The following HPSE2 variants were observed in gnomAD, a reference collection of about 807,000 sequenced individuals.
HPSE2 encodes the protein heparanase 2 (inactive).
HPSE2 carries 38 observed loss-of-function variants against 60.5 expected under a neutral mutation model. The ratio of observed to expected loss-of-function variants is 0.63; its 90% confidence interval spans 0.48 to 0.82. HPSE2 has a LOEUF of 0.82. Among genes scored for constraint, HPSE2 ranks in the 40% least tolerant of loss-of-function variants. The probability of loss-of-function intolerance (pLI) is 0.00; values close to 1 mark genes in which losing one functional copy is unlikely to be tolerated. For missense variants in HPSE2, 713 were observed against 740.4 expected, an observed-to-expected ratio of 0.96 and a Z score of 0.43; for synonymous variants, 295 against 293.2, an observed-to-expected ratio of 1.01 and a Z score of -0.06.
intron 9 of HPSE2, among the ~76,000 whole-genome samples, chr10:98,606,778 TA>T (rs1434701761): frequency 2.0e-4 from 31 of 152,314 alleles, no homozygotes; most frequent in Middle Eastern, 3.4e-3. Flanking sequence ...TTATTTGTTC[TA>T]TTTTTTAATA....
chr10:98,980,668 T>A (rs1956185196), intron 3 of HPSE2, among the ~76,000 whole-genome samples: 1 of 152,196 alleles, frequency 6.6e-6, no homozygotes, highest in Non-Finnish European at 1.5e-5. Context: ...TACTCCTAAG[T>A]TAGGTTTACA....
chr10:99,020,379 G>A (rs946124421), intron 3 of HPSE2, among the ~76,000 whole-genome samples: 2 of 152,162 alleles, frequency 1.3e-5, no homozygotes, highest in African/African-American at 4.8e-5. Context: ...GAAAGGTGAA[G>A]TGACTTTCTA....
intron 9 of HPSE2, among the ~76,000 whole-genome samples, chr10:98,596,800 T>C (rs2133930897): frequency 6.6e-6 from 1 of 152,342 alleles, no homozygotes; most frequent in South Asian, 2.1e-4. Context: ...TCTTTGATTT[T>C]TGACAATTTA....
At chr10:98,501,090 G>A (rs1030095188) in intron 9 of HPSE2, among the ~76,000 whole-genome samples, 9 of 151,704 alleles carry the variant, frequency 5.9e-5, no homozygotes, top group South Asian at 2.1e-4. Flanking sequence ...AAGACTACAC[G>A]GATTCACAGC....
chr10:98,504,539 C>A (rs1182858698), intron 9 of HPSE2, among the ~76,000 whole-genome samples: 2 of 152,154 alleles, frequency 1.3e-5, no homozygotes, highest in African/African-American at 4.8e-5. Context: ...ATAATCCCAG[C>A]ACTTTGGGAG....
chr10:98,689,330 A>G (rs1022268130), intron 6 of HPSE2, among the ~76,000 whole-genome samples: 7 of 152,114 alleles, frequency 4.6e-5, no homozygotes, highest in African/African-American at 1.7e-4. Flanking sequence ...TCTGTTGCTC[A>G]GTATGCAAGT....
upstream of HPSE2, among the ~76,000 whole-genome samples, chr10:99,236,202 A>C (rs1256716496): frequency 6.6e-6 from 1 of 151,606 alleles, no homozygotes; most frequent in Non-Finnish European, 1.5e-5. Flanking sequence ...GGAGGAGAAA[A>C]GGGTGGCGTT....
Position 99,008,076 on chromosome 10 carries a change from C to T in HPSE2, c.610+136162G>A, listed in dbSNP as rs945749721. On this transcript the variant is annotated intron_variant, in intron 3 of 11. Coordinates refer to ENST00000370552, the MANE Select transcript of HPSE2 (RefSeq NM_021828.5). ...TTTCTTCCCAGATAAGATTTTTCCT[C>T]TAAGTTCTTGCAGCTGAAGGCTAGA... Among the ~76,000 whole-genome samples, 41 of 152,196 alleles carry T rather than the reference C, an allele frequency of 2.7e-4. 1 individual carries two copies. Among genetic ancestry groups the T allele is most frequent in the Non-Finnish European group, 1.5e-5 (1 of 68,028 alleles).
At chr10:98,932,807 A>G (rs796346529) in intron 3 of HPSE2, among the ~76,000 whole-genome samples, 1 of 143,198 alleles carries the variant, frequency 7.0e-6, no homozygotes, top group Non-Finnish European at 1.5e-5. Flanking sequence ...GTATTTCTCT[A>G]GGGTCAGTGA....
chr10:99,050,313 A>G (rs866460112), intron 3 of HPSE2, among the ~76,000 whole-genome samples: 1 of 151,834 alleles, frequency 6.6e-6, no homozygotes, highest in African/African-American at 2.4e-5. Context: ...AAAAAAAAAA[A>G]CCCCTAAAAC....
intron 3 of HPSE2, among the ~76,000 whole-genome samples, chr10:99,073,644 G>T (rs1842868179): frequency 6.6e-6 from 1 of 151,916 alleles, no homozygotes; most frequent in Admixed American, 6.6e-5. Context: ...ACAAAATAAG[G>T]TTAAAAAAAT....
intron 3 of HPSE2, among the ~76,000 whole-genome samples, chr10:98,992,680 G>A (rs1956552489): frequency 1.3e-5 from 2 of 152,148 alleles, no homozygotes; most frequent in South Asian, 4.1e-4. Context: ...GCAGAATGAT[G>A]CCTATAAAGG....
At chr10:98,675,539 TAC>T (rs774393556) in intron 6 of HPSE2, among the ~76,000 whole-genome samples, 4,091 of 121,314 alleles carry the variant, frequency 0.034, 69 homozygotes, top group Non-Finnish European at 0.042. Context: ...GATCCCTGTC[TAC>T]ACACACACAC....
intron 2 of HPSE2, among the ~76,000 whole-genome samples, chr10:99,215,881 G>A (rs188345190): frequency 2.6e-5 from 4 of 152,316 alleles, no homozygotes; most frequent in African/African-American, 9.6e-5. Context: ...ATTTTAAATG[G>A]TATGTGCATT....
chr10:99,072,856 GAGGT>G (rs1842837459), intron 3 of HPSE2, among the ~76,000 whole-genome samples: 1 of 149,832 alleles, frequency 6.7e-6, no homozygotes, highest in Non-Finnish European at 1.5e-5. Flanking sequence ...TTGAACCTGG[GAGGT>G]GGAGGTTGCA....
chr10:99,152,353 A>T (rs1846305602), intron 2 of HPSE2, among the ~76,000 whole-genome samples: 1 of 151,884 alleles, frequency 6.6e-6, no homozygotes, highest in Admixed American at 6.6e-5. Flanking sequence ...TGTTGCTAGC[A>T]GACCTGCAAC....
chr10:98,530,294 T>C (rs187728649), intron 9 of HPSE2, among the ~76,000 whole-genome samples: 1 of 152,316 alleles, frequency 6.6e-6, no homozygotes, highest in East Asian at 1.9e-4. Flanking sequence ...ACTTTAAATC[T>C]TCTAGTGGTT....
At chr10:99,216,255 CA>C (rs1351340409) in intron 2 of HPSE2, among the ~76,000 whole-genome samples, 4 of 135,138 alleles carry the variant, frequency 3.0e-5, no homozygotes, top group Admixed American at 8.1e-5. Context: ...AGTGCAGTGG[CA>C]CGATCTTGGC....
At chr10:99,160,695 C>G (rs1048958097) in intron 2 of HPSE2, among the ~76,000 whole-genome samples, 1 of 151,476 alleles carries the variant, frequency 6.6e-6, no homozygotes, top group Non-Finnish European at 1.5e-5. Flanking sequence ...GTCAGGAGAT[C>G]GAGACCATCC....
Sources: allele counts gnomAD v4.1 joint callset (sites outside exome capture counted in the v4.1 genomes callset), GRCh38; gene constraint gnomAD v4.1.1; transcripts MANE v1.5; gene names NCBI Gene and HGNC (gene_info 2026-07-23, HGNC 2026-07-21).